The following MGRN1 variants were observed in gnomAD, a reference collection of about 807,000 sequenced individuals.
MGRN1 encodes the protein mahogunin ring finger 1.
Under a neutral mutation model 69.2 loss-of-function variants are expected in MGRN1, and 29 were observed. The observed-to-expected ratio is 0.42, with a 90% CI of 0.31 to 0.57. The LOEUF is 0.57. Among genes scored for constraint, MGRN1 ranks in the 20% least tolerant of loss-of-function variants. The probability of loss-of-function intolerance (pLI) is 0.15; values close to 1 mark genes in which losing one functional copy is unlikely to be tolerated. For synonymous variants in MGRN1, 470 were observed against 344.2 expected (o/e 1.37, Z -4.04); for missense variants, 998 against 796.2 (o/e 1.25, Z -3.05).
At position 4,625,202 on chromosome 16, in the gene MGRN1, C is replaced by T. The variant is rs954787995; in HGVS notation, c.88+154C>T. 2.0e-5 allele frequency among the ~76,000 whole-genome samples: 3 copies of T among 152,248 alleles called. No individual in the cohort carries two copies. The East Asian group carries it at 5.8e-4, about 30-fold the overall frequency. On this transcript the variant is annotated intron_variant, in intron 1 of 16. Coordinates refer to ENST00000262370, the MANE Select transcript of MGRN1 (RefSeq NM_015246.4). ...CTTCGCGCGGCCCCACGGCCCCGAT[C>T]CCTAGGCGTGGCTGGGGGCCCCGGA...
intron 14 of MGRN1, 92 bp downstream of exon 14, chr16:4,683,038 C>T (rs2079224563): frequency 6.8e-7 from 1 of 1,471,704 alleles, no homozygotes; most frequent in Non-Finnish European, 9.1e-7. Flanking sequence ...CCACTGCCCG[C>T]CTGGGCGCCC....
intron 8 of MGRN1, among the ~76,000 whole-genome samples, chr16:4,669,860 G>A (rs1241365968): frequency 6.6e-6 from 1 of 151,900 alleles, no homozygotes; most frequent in Non-Finnish European, 1.5e-5. Context: ...TATTCCTGGT[G>A]GCCTCACAAG....
At chr16:4,687,000 C>G in intron 16 of MGRN1, 2 of 985,578 alleles carry the variant, frequency 2.0e-6, no homozygotes, top group Non-Finnish European at 2.4e-6. Context: ...TCCGCTCACA[C>G]AGCCACCTGC....
At chr16:4,636,402 C>A (rs536646619) in intron 1 of MGRN1, among the ~76,000 whole-genome samples, 22 of 152,176 alleles carry the variant, frequency 1.4e-4, no homozygotes, top group Admixed American at 8.5e-4. Context: ...AGTGATCTGG[C>A]GTCTGCTGTG....
At chr16:4,650,341 A>G in intron 1 of MGRN1, 24 bp from the exon 2 acceptor site, 1 of 1,550,224 alleles carries the variant, frequency 6.5e-7, no homozygotes, top group Non-Finnish European at 8.8e-7. Context: ...AAAAATCTAT[A>G]ATCGTGTTTC....
rs869090061 is a variant in MGRN1, at chr16:4,632,007, C to CTTTTTTTTTT, written c.88+6974_88+6983dup. On this transcript the variant is annotated intron_variant, in intron 1 of 16. Coordinates refer to ENST00000262370, the MANE Select transcript of MGRN1 (RefSeq NM_015246.4). ...CAATCTAGTAGTGATAAAAAATTTC[C>CTTTTTTTTTT]TTTTTTTTTTTTTTTTTTTTTTTTG... Among the ~76,000 whole-genome samples the CTTTTTTTTTT allele has an allele frequency of 7.9e-4, 51 of 64,860 alleles. 4 individuals carry two copies. Among genetic ancestry groups the CTTTTTTTTTT allele is most frequent in the African/African-American group, 2.2e-3 (32 of 14,546 alleles). The allele number at this position is 64,860 out of a possible 152,430, so 42.6% of individuals were successfully genotyped here. A position where few individuals can be genotyped will look rare whatever the true frequency, so the allele number is the denominator to read the frequency against.
chr16:4,626,593 C>CGTA, intron 1 of MGRN1, among the ~76,000 whole-genome samples: 1 of 152,322 alleles, frequency 6.6e-6, no homozygotes, highest in East Asian at 1.9e-4. Context: ...AGCTAATGAC[C>CGTA]ATAATCATAG....
intron 1 of MGRN1, among the ~76,000 whole-genome samples, chr16:4,626,203 G>A (rs1056811951): frequency 2.6e-5 from 4 of 152,208 alleles, no homozygotes; most frequent in Admixed American, 6.5e-5. Context: ...CACAGTTTGG[G>A]GGCACTCTGA....
At chr16:4,651,895 C>T in intron 2 of MGRN1, 68 bp from the exon 3 acceptor site, 2 of 1,435,222 alleles carry the variant, frequency 1.4e-6, no homozygotes, top group Non-Finnish European at 9.8e-7. Flanking sequence ...GCTGCTGCAC[C>T]CTGACCCGTT....
chr16:4,684,499 A>C (rs763431649), intron 16 of MGRN1, among the ~76,000 whole-genome samples: 1 of 152,194 alleles, frequency 6.6e-6, no homozygotes, highest in African/African-American at 2.4e-5. Flanking sequence ...GGCCTGACAG[A>C]GGCCACCTGA....
chr16:4,628,729 C>T (rs1344453173), intron 1 of MGRN1, among the ~76,000 whole-genome samples: 1 of 152,072 alleles, frequency 6.6e-6, no homozygotes, highest in African/African-American at 2.4e-5. Context: ...ATTTTTGGTA[C>T]AGATGAGGTT....
At chr16:4,682,453 C>T (rs577862588) in intron 13 of MGRN1, among the ~76,000 whole-genome samples, 14 of 152,324 alleles carry the variant, frequency 9.2e-5, no homozygotes, top group African/African-American at 3.4e-4. Flanking sequence ...GCAGGCCCGC[C>T]CTGGGCACCC....
At chr16:4,636,221 C>G (rs530779231) in intron 1 of MGRN1, among the ~76,000 whole-genome samples, 16 of 151,972 alleles carry the variant, frequency 1.1e-4, no homozygotes, top group Non-Finnish European at 2.2e-4. Flanking sequence ...CCCTATTGTC[C>G]CCTTCTGAAC....
At chr16:4,629,155 TGTG>T (rs1567164351) in intron 1 of MGRN1, among the ~76,000 whole-genome samples, 2,616 of 146,758 alleles carry the variant, frequency 0.018, 78 homozygotes, top group African/African-American at 0.061. Flanking sequence ...TTCGTATGTG[TGTG>T]TGTGTGTGTG....
Position 4,673,775 on chromosome 16 carries a change from C to G in MGRN1, c.955+118C>G, listed in dbSNP as rs149455101. 174 of 1,302,088 alleles carry G rather than the reference C, an allele frequency of 1.3e-4. No individual in the cohort carries two copies. In the African/African-American group the frequency reaches 2.2e-3, roughly 16 times the overall value. The allele number at this position is 1,302,088 out of a possible 1,614,324, so 80.7% of individuals were successfully genotyped here. A position where few individuals can be genotyped will look rare whatever the true frequency, so the allele number is the denominator to read the frequency against. Reference sequence around the variant, plus strand: ...TTGATGGCTAAGAAAGAAGAGTTGTCATTCATCTAGTCTGTGCTGAACGTG... The same window carrying G: ...TTGATGGCTAAGAAAGAAGAGTTGTGATTCATCTAGTCTGTGCTGAACGTG... On this transcript the variant is annotated intron_variant, in intron 10 of 16. Coordinates refer to ENST00000262370, the MANE Select transcript of MGRN1 (RefSeq NM_015246.4).
At chr16:4,666,029 A>T (rs2078796906) in intron 7 of MGRN1, among the ~76,000 whole-genome samples, 1 of 151,872 alleles carries the variant, frequency 6.6e-6, no homozygotes, top group Non-Finnish European at 1.5e-5. Flanking sequence ...ACAGGGTTTC[A>T]CTGTGCTAGC....
chr16:4,660,764 C>G (rs891190917), intron 5 of MGRN1, among the ~76,000 whole-genome samples: 24 of 132,716 alleles, frequency 1.8e-4, no homozygotes, highest in African/African-American at 5.7e-4. Context: ...GGGACGATGA[C>G]TCCTGTGTGG....
At chr16:4,679,766 G>A (rs912024445) in intron 11 of MGRN1, among the ~76,000 whole-genome samples, 4 of 152,182 alleles carry the variant, frequency 2.6e-5, no homozygotes, top group Non-Finnish European at 4.4e-5. Flanking sequence ...CCCAGACTGC[G>A]GGGGGACAGG....
intron 4 of MGRN1, among the ~76,000 whole-genome samples, chr16:4,653,916 C>G (rs2078466061): frequency 6.6e-6 from 1 of 152,076 alleles, no homozygotes; most frequent in African/African-American, 2.4e-5. Flanking sequence ...CCATGCCTGG[C>G]TAATTTTGTA....
Sources: gnomAD v4.1 joint callset for allele counts (sites outside exome capture counted in the v4.1 genomes callset) on GRCh38, gnomAD v4.1.1 for gene constraint, MANE v1.5 for transcripts, NCBI Gene and HGNC (gene_info 2026-07-23, HGNC 2026-07-21) for gene names.